Variants in ARMH4 observed in about 807,000 individuals in gnomAD.
ARMH4 encodes the protein armadillo-like helical domain-containing protein 4.
A neutral mutation model predicts 61.9 loss-of-function variants in ARMH4; 49 were observed. The observed-to-expected ratio is 0.79, with a 90% CI of 0.63 to 1.00. ARMH4 has a LOEUF of 1.00. ARMH4 is among the 50% of genes least tolerant of loss of function. The pLI is 0.00. For synonymous variants in ARMH4, 368 were observed against 341.5 expected (o/e 1.08, Z -0.85); for missense variants, 934 against 930.0 (o/e 1.00, Z -0.06).
chr14:58,118,299 C>A (rs1334381538), intron 4 of ARMH4, among the ~76,000 whole-genome samples: 2 of 152,108 alleles, frequency 1.3e-5, no homozygotes, highest in Non-Finnish European at 2.9e-5. Flanking sequence ...ATACCTTTAA[C>A]TGGGATGGAA....
chr14:58,086,603 C>T (rs1191879386), intron 5 of ARMH4, among the ~76,000 whole-genome samples: 1 of 152,092 alleles, frequency 6.6e-6, no homozygotes, highest in Non-Finnish European at 1.5e-5. Context: ...TGCAATAGAG[C>T]ATCCCCTTTC....
At chr14:58,071,973 A>T (rs1003902514) in intron 5 of ARMH4, among the ~76,000 whole-genome samples, 1 of 152,308 alleles carries the variant, frequency 6.6e-6, no homozygotes, top group Admixed American at 6.5e-5. Flanking sequence ...ATGCTATTTT[A>T]TGCAAGAGAT....
intron 4 of ARMH4, among the ~76,000 whole-genome samples, chr14:58,103,695 C>G (rs1886077340): frequency 6.6e-6 from 1 of 151,830 alleles, no homozygotes; most frequent in African/African-American, 2.4e-5. Flanking sequence ...TTCAATTGAC[C>G]CTCCCACCTC....
intron 4 of ARMH4, among the ~76,000 whole-genome samples, chr14:58,106,740 T>C (rs1358621954): frequency 1.3e-5 from 2 of 152,144 alleles, no homozygotes; most frequent in Non-Finnish European, 2.9e-5. Flanking sequence ...CAAACTTACA[T>C]TGTTAGCTAA....
intron 1 of ARMH4, among the ~76,000 whole-genome samples, chr14:58,144,486 A>G (rs1465174107): frequency 1.2e-4 from 19 of 152,270 alleles, no homozygotes; most frequent in Admixed American, 1.2e-3. Context: ...TCAAGGCTGC[A>G]GTGAGCCGTG....
At chr14:58,057,104 T>C (rs1884370930) in intron 5 of ARMH4, among the ~76,000 whole-genome samples, 1 of 152,198 alleles carries the variant, frequency 6.6e-6, no homozygotes, top group African/African-American at 2.4e-5. Flanking sequence ...CTCACACTTT[T>C]ATCTGAGAAA....
rs748380638 is a variant in ARMH4, at chr14:58,138,860, T to C, written c.499A>G (p.Thr167Ala). The change falls in exon 2 of 8, where the codon ACT becomes GCT. Residue 167 changes from threonine (T) to alanine (A), a missense_variant. Thr to Ala is a moderately conservative substitution (Grantham distance 58, BLOSUM62 0). Coordinates refer to ENST00000267485, the MANE Select transcript of ARMH4 (RefSeq NM_001001872.4). The stretch of plus-strand genomic sequence containing the variant: ...TCTTCTACAATGGGCTGAAAGTTAG[T>C]GCTTGTAAGGAGTTCCTCCTTTTCA... ...VDEKEELLTS[T>A]NFQPIVEEIT... 7.4e-6 allele frequency: 12 copies of C among 1,614,132 alleles called. No individual in the cohort carries two copies. The East Asian group carries it at 8.9e-5, about 12-fold the overall frequency.
chr14:58,128,677 A>G (rs1038932572), intron 4 of ARMH4, among the ~76,000 whole-genome samples: 1 of 152,316 alleles, frequency 6.6e-6, no homozygotes, highest in Admixed American at 6.5e-5. Context: ...AAGAAAAGGA[A>G]AACACACCAA....
At chr14:58,048,977 C>T (rs998511205) in intron 5 of ARMH4, among the ~76,000 whole-genome samples, 1 of 152,084 alleles carries the variant, frequency 6.6e-6, no homozygotes, top group Non-Finnish European at 1.5e-5. Flanking sequence ...GTGGCTCATG[C>T]CTGTAATCCC....
chr14:58,005,075 T>C lies in ARMH4; in HGVS notation c.2229A>G (p.Arg743=), dbSNP rs1396652607. 1 of 1,614,016 alleles carries C rather than the reference T, an allele frequency of 6.2e-7. No homozygotes were observed. The highest frequency in any genetic ancestry group is 8.5e-7 in the Non-Finnish European group (1 of 1,179,942). Residue 743 remains arginine, a synonymous_variant, in exon 7 of 8, where the codon AGA becomes AGG. Transcript: ENST00000267485. ...TTCTTTTATGCCTTTTGAAGCCATT[T>C]CTCCTTCGGCGATTCATAACCTTAA... is the stretch of plus-strand genomic sequence containing the variant. ...YSIKVMNRRR[R]NGFKRHKRKQ... is the part of the protein sequence containing the mutation.
chr14:58,125,788 G>A (rs1370662997), intron 4 of ARMH4, among the ~76,000 whole-genome samples: 3 of 152,158 alleles, frequency 2.0e-5, no homozygotes, highest in Non-Finnish European at 4.4e-5. Context: ...CTCTCCAACA[G>A]CACTTGGGTT....
chr14:58,097,032 T>G, intron 4 of ARMH4, 51 bp from the exon 5 acceptor site: 1 of 1,543,342 alleles, frequency 6.5e-7, no homozygotes, highest in East Asian at 2.2e-5. Flanking sequence ...GAGTTTATGC[T>G]GAAACAAATG....
chr14:58,021,460 C>T (rs1487709404), intron 5 of ARMH4, among the ~76,000 whole-genome samples: 1 of 152,176 alleles, frequency 6.6e-6, no homozygotes, highest in Non-Finnish European at 1.5e-5. Context: ...GAATTGAGTC[C>T]ATTAAACCTC....
intron 5 of ARMH4, among the ~76,000 whole-genome samples, chr14:58,041,296 C>T (rs958814404): frequency 6.6e-6 from 1 of 152,102 alleles, no homozygotes; most frequent in Non-Finnish European, 1.5e-5. Flanking sequence ...TCTTAGCAAA[C>T]GGCACACCAG....
intron 5 of ARMH4, among the ~76,000 whole-genome samples, chr14:58,088,330 G>A (rs975458451): frequency 1.9e-4 from 29 of 151,954 alleles, no homozygotes; most frequent in African/African-American, 6.0e-4. Flanking sequence ...AAATTATCAG[G>A]CTTAAAAGGC....
intron 1 of ARMH4, among the ~76,000 whole-genome samples, chr14:58,142,209 T>G (rs1333238429): frequency 6.6e-6 from 1 of 152,196 alleles, no homozygotes; most frequent in African/African-American, 2.4e-5. Context: ...TTACATTTTT[T>G]TCTTGCTTTC....
At chr14:58,089,439 C>A (rs1227919027) in intron 5 of ARMH4, among the ~76,000 whole-genome samples, 1 of 152,232 alleles carries the variant, frequency 6.6e-6, no homozygotes, top group African/African-American at 2.4e-5. Flanking sequence ...AAGGGTCTCA[C>A]TTCCTCACAG....
chr14:58,127,480 C>G (rs1008238512), intron 4 of ARMH4, among the ~76,000 whole-genome samples: 1 of 152,184 alleles, frequency 6.6e-6, no homozygotes, highest in Admixed American at 6.5e-5. Context: ...CATGTGGAAC[C>G]TCTTTCACTT....
At chr14:58,122,422 T>C (rs1371206854) in intron 4 of ARMH4, among the ~76,000 whole-genome samples, 1 of 152,144 alleles carries the variant, frequency 6.6e-6, no homozygotes, top group Non-Finnish European at 1.5e-5. Context: ...TGAGAAAGCA[T>C]ACCTCCCTGT....
Sources: gnomAD v4.1 joint callset for allele counts (sites outside exome capture counted in the v4.1 genomes callset) on GRCh38, gnomAD v4.1.1 for gene constraint, MANE v1.5 for transcripts, NCBI Gene and HGNC (gene_info 2026-07-23, HGNC 2026-07-21) for gene names.